The following ROBO2 variants were observed in gnomAD, a reference collection of about 807,000 sequenced individuals.
ROBO2 encodes the protein roundabout guidance receptor 2, also known as roundabout homolog 2.
Under a neutral mutation model 160.8 loss-of-function variants are expected in ROBO2, and 53 were observed. That is an observed-to-expected ratio of 0.33 (90% confidence interval 0.26 to 0.41). The LOEUF (loss-of-function observed/expected upper bound fraction) is 0.41. ROBO2 is among the 10% of genes least tolerant of loss of function. The pLI, the probability that ROBO2 is intolerant of heterozygous loss-of-function variation, is 1.00. For synonymous variants in ROBO2, 664 were observed against 611.7 expected (o/e 1.09, Z -1.26); for missense variants, 1,577 against 1,722.4 (o/e 0.92, Z 1.49).
At chr3:77,243,031 A>C (rs1014488158) in intron 2 of ROBO2, among the ~76,000 whole-genome samples, 20 of 151,736 alleles carry the variant, frequency 1.3e-4, no homozygotes, top group African/African-American at 4.6e-4. Flanking sequence ...AAAGACAGAC[A>C]ATGAAAATGA....
intron 2 of ROBO2, among the ~76,000 whole-genome samples, chr3:77,371,182 A>G (rs2071698395): frequency 6.6e-6 from 1 of 152,180 alleles, no homozygotes; most frequent in South Asian, 2.1e-4. Flanking sequence ...CCAGGGATCA[A>G]GGTTGGTGAT....
intron 6 of ROBO2, among the ~76,000 whole-genome samples, chr3:77,533,936 G>T (rs545495164): frequency 4.2e-4 from 63 of 150,848 alleles, no homozygotes; most frequent in Admixed American, 2.6e-3. Context: ...CTGAATTTTA[G>T]CTTATTTTCT....
intron 2 of ROBO2, among the ~76,000 whole-genome samples, chr3:76,317,352 A>G (rs762401628): frequency 3.9e-5 from 6 of 152,220 alleles, no homozygotes; most frequent in Non-Finnish European, 4.4e-5. Context: ...GGCTTTTACT[A>G]TATCATTTAA....
intron 2 of ROBO2, among the ~76,000 whole-genome samples, chr3:75,961,352 T>C (rs998282866): frequency 7.3e-5 from 11 of 151,700 alleles, no homozygotes; most frequent in African/African-American, 2.7e-4. Context: ...TTTATATTTA[T>C]TTTTACAGAT....
At chr3:77,458,579 A>C (rs1378215536) in intron 2 of ROBO2, among the ~76,000 whole-genome samples, 1 of 120,740 alleles carries the variant, frequency 8.3e-6, no homozygotes, top group Non-Finnish European at 1.7e-5. Context: ...TTTGTTCTCC[A>C]GTTTTTGTTT....
chr3:76,968,384 T>G (rs2149270195), intron 2 of ROBO2, among the ~76,000 whole-genome samples: 1 of 152,288 alleles, frequency 6.6e-6, no homozygotes, highest in Middle Eastern at 3.4e-3. Flanking sequence ...ATGTAACAGA[T>G]ATTAAAATTG....
intron 6 of ROBO2, among the ~76,000 whole-genome samples, chr3:77,528,384 C>T (rs2091361469): frequency 6.6e-6 from 1 of 151,594 alleles, no homozygotes; most frequent in Non-Finnish European, 1.5e-5. Flanking sequence ...ACCAGCTTGA[C>T]ATCATTGACA....
At chr3:77,443,504 A>G (rs1194634139) in intron 2 of ROBO2, among the ~76,000 whole-genome samples, 2 of 152,186 alleles carry the variant, frequency 1.3e-5, no homozygotes, top group African/African-American at 2.4e-5. Context: ...TAGTAGTACC[A>G]TGAAACAGTA....
intron 2 of ROBO2, among the ~76,000 whole-genome samples, chr3:76,828,692 G>C (rs937584771): frequency 1.3e-5 from 2 of 151,868 alleles, no homozygotes; most frequent in Admixed American, 6.6e-5. Flanking sequence ...CTATGTTCTG[G>C]GGACATTTTT....
At chr3:77,546,209 A>G (rs867160771) in intron 6 of ROBO2, 129 bp from the exon 8 acceptor site, 1 of 1,047,056 alleles carries the variant, frequency 9.6e-7, no homozygotes, top group Middle Eastern at 3.1e-4. Flanking sequence ...AGAAATGTGT[A>G]AAAGTAAATA....
intron 2 of ROBO2, among the ~76,000 whole-genome samples, chr3:76,401,279 C>T (rs998167520): frequency 3.3e-5 from 5 of 151,418 alleles, no homozygotes; most frequent in African/African-American, 1.2e-4. Context: ...TGTAGTTTAA[C>T]TACATCAGAT....
intron 2 of ROBO2, among the ~76,000 whole-genome samples, chr3:76,549,732 G>T (rs936121726): frequency 6.6e-6 from 1 of 152,144 alleles, no homozygotes; most frequent in East Asian, 1.9e-4. Flanking sequence ...TTTTAAAAAA[G>T]ATTCATCTAC....
intron 2 of ROBO2, among the ~76,000 whole-genome samples, chr3:76,082,282 G>A (rs554592531): frequency 6.6e-6 from 1 of 152,070 alleles, no homozygotes; most frequent in Non-Finnish European, 1.5e-5. Flanking sequence ...GTCCTTAAGG[G>A]TTTAGCAGAA....
At chr3:76,501,058 G>A (rs1245664781) in intron 2 of ROBO2, among the ~76,000 whole-genome samples, 1 of 152,072 alleles carries the variant, frequency 6.6e-6, no homozygotes, top group African/African-American at 2.4e-5. Flanking sequence ...AGAAAAGCTG[G>A]AAATGAATGC....
At chr3:77,111,359 A>G (rs998860452) in intron 2 of ROBO2, among the ~76,000 whole-genome samples, 1 of 152,130 alleles carries the variant, frequency 6.6e-6, no homozygotes, top group African/African-American at 2.4e-5. Flanking sequence ...ATCTATACTT[A>G]GTACAAAATA....
chr3:76,879,342 G>A (rs1482404607), intron 2 of ROBO2, among the ~76,000 whole-genome samples: 1 of 152,004 alleles, frequency 6.6e-6, no homozygotes, highest in African/African-American at 2.4e-5. Context: ...GTAGGTCTGG[G>A]GTGTGTGTCT....
At chr3:77,002,308 C>T (rs1226608378) in intron 2 of ROBO2, among the ~76,000 whole-genome samples, 1 of 151,644 alleles carries the variant, frequency 6.6e-6, no homozygotes, top group Non-Finnish European at 1.5e-5. Context: ...ATGTTTCTTT[C>T]TCTAAAAATT....
chr3:76,354,081 C>T (rs1376215915), intron 2 of ROBO2, among the ~76,000 whole-genome samples: 1 of 151,930 alleles, frequency 6.6e-6, no homozygotes, highest in Non-Finnish European at 1.5e-5. Flanking sequence ...CATTTTAAAT[C>T]GTAATGCAAA....
chr3:77,319,612 A>T (rs2064452621), intron 2 of ROBO2, among the ~76,000 whole-genome samples: 1 of 152,230 alleles, frequency 6.6e-6, no homozygotes, highest in African/African-American at 2.4e-5. Flanking sequence ...CTGAAGAGGA[A>T]AGGAAAATAA....
Sources: allele counts gnomAD v4.1 joint callset (sites outside exome capture counted in the v4.1 genomes callset), GRCh38; gene constraint gnomAD v4.1.1; transcripts MANE v1.5; gene names NCBI Gene and HGNC (gene_info 2026-07-23, HGNC 2026-07-21).